The following KDM4C variants were observed in gnomAD, a reference collection of about 807,000 sequenced individuals.
The protein encoded by KDM4C is lysine-specific demethylase 4C.
Under a neutral mutation model 129.3 loss-of-function variants are expected in KDM4C, and 81 were observed. The observed-to-expected ratio is 0.63, with a 90% CI of 0.52 to 0.75. The LOEUF is 0.75. KDM4C is among the 30% of genes least tolerant of loss of function. The probability of loss-of-function intolerance (pLI) is 0.00; values close to 1 mark genes in which losing one functional copy is unlikely to be tolerated. For synonymous variants in KDM4C, 573 were observed against 456.1 expected (o/e 1.26, Z -3.26); for missense variants, 1,457 against 1,304.0 (o/e 1.12, Z -1.81).
intron 14 of KDM4C, chr9:7,014,446 GATAGGA>G (rs1823275854): frequency 6.4e-6 from 1 of 155,602 alleles, no homozygotes; most frequent in Non-Finnish European, 1.4e-5. Flanking sequence ...CATTCGTGAG[GATAGGA>G]ATCTCTATTG....
At chr9:7,052,894 A>AGAGAGAGAGAGAGAGAGCGAGAGAGAGC (rs1339242817) in intron 17 of KDM4C, among the ~76,000 whole-genome samples, 2 of 105,500 alleles carry the variant, frequency 1.9e-5, no homozygotes, top group South Asian at 3.8e-4. Context: ...AGAGAGAGAG[A>AGAGAGAGAGAGAGAGAGCGAGAGAGAGC]GAGAGAGCGA....
At chr9:6,865,384 C>G (rs1392844084) in intron 5 of KDM4C, among the ~76,000 whole-genome samples, 1 of 152,152 alleles carries the variant, frequency 6.6e-6, no homozygotes, top group Non-Finnish European at 1.5e-5. Flanking sequence ...CTTGAAAGTG[C>G]TATCTTGAAT....
chr9:7,070,539 G>A (rs1475672947), intron 17 of KDM4C, among the ~76,000 whole-genome samples: 1 of 152,074 alleles, frequency 6.6e-6, no homozygotes, highest in Non-Finnish European at 1.5e-5. Context: ...TTTATCCTGA[G>A]AACATAAGGC....
chr9:7,055,225 T>C (rs1482874295), intron 17 of KDM4C, among the ~76,000 whole-genome samples: 2 of 152,220 alleles, frequency 1.3e-5, no homozygotes, highest in Non-Finnish European at 1.5e-5. Context: ...GGGTCACAAA[T>C]GCATCCGTCC....
chr9:7,165,072 C>A (rs1046896714), intron 19 of KDM4C, among the ~76,000 whole-genome samples, 166 bp from the exon 20 acceptor site: 1 of 151,998 alleles, frequency 6.6e-6, no homozygotes, highest in Non-Finnish European at 1.5e-5. Context: ...TCTTTAAATA[C>A]TCCTTTGGCT....
At chr9:6,753,426 T>G (rs1387913038), upstream of KDM4C, among the ~76,000 whole-genome samples, 1 of 152,170 alleles carries the variant, frequency 6.6e-6, no homozygotes, top group African/African-American at 2.4e-5. Flanking sequence ...TACCACAGAC[T>G]GGGTAATTTA....
chr9:6,924,641 C>G, intron 8 of KDM4C: 2 of 492,734 alleles, frequency 4.1e-6, no homozygotes, highest in Non-Finnish European at 5.3e-6. Context: ...ATTAGATCTT[C>G]TCTGATTATT....
Position 6,839,396 on chromosome 9 carries a change from G to GTTT in KDM4C, c.436-10092_436-10090dup, listed in dbSNP as rs36061484. Among the ~76,000 whole-genome samples, 76 of 109,896 alleles carry GTTT rather than the reference G, an allele frequency of 6.9e-4. 2 individuals are homozygous for GTTT. Among genetic ancestry groups the GTTT allele is most frequent in the Middle Eastern group, 4.9e-3 (1 of 206 alleles). 72.1% of individuals were successfully genotyped at this position (109,896 alleles called of 152,430 possible). On this transcript the variant is annotated intron_variant, in intron 4 of 21. Transcript: ENST00000381309. ...AGGCGCTTGCCACCACACCTGGCCA[G>GTTT]TTTTTTTTTTTTTTTTTTTTTCTGG...
In KDM4C at chr9:6,879,947, A is replaced by G. The variant is rs1844182211; in HGVS notation, c.630-65A>G. 1.4e-5 allele frequency: 10 copies of G among 715,134 alleles called. No homozygotes were observed. In the East Asian group the frequency reaches 2.7e-4, roughly 19 times the overall value. The allele number at this position is 715,134 out of a possible 1,614,324, so 44.3% of individuals were successfully genotyped here. On this transcript the variant is annotated intron_variant, in intron 5 of 21. Transcript: ENST00000381309. ...TTTATGTGACATTATTTAGGAATAG[A>G]TGTCCTTAGGCTACTAGCTGAAAAA...
chr9:6,877,019 G>T (rs1397655941), intron 5 of KDM4C, among the ~76,000 whole-genome samples: 1 of 152,168 alleles, frequency 6.6e-6, no homozygotes, highest in African/African-American at 2.4e-5. Flanking sequence ...TCATTATAAT[G>T]TACTACCCTG....
At chr9:7,122,347 C>T (rs1432240405) in intron 18 of KDM4C, among the ~76,000 whole-genome samples, 1 of 151,638 alleles carries the variant, frequency 6.6e-6, no homozygotes. Flanking sequence ...GGTGCTAAAC[C>T]ATTAGAAACC....
chr9:6,764,848 T>C (rs1820295613), intron 1 of KDM4C, among the ~76,000 whole-genome samples: 1 of 152,212 alleles, frequency 6.6e-6, no homozygotes, highest in African/African-American at 2.4e-5. Context: ...TTGTTAAGTA[T>C]AACAAATGTA....
upstream of KDM4C, among the ~76,000 whole-genome samples, chr9:6,755,737 G>A (rs35490564): frequency 1.3e-5 from 2 of 151,990 alleles, no homozygotes; most frequent in African/African-American, 2.4e-5. Context: ...TTACTATATG[G>A]CTAAAATGTT....
chr9:7,157,278 A>G (rs1240457243), intron 19 of KDM4C, among the ~76,000 whole-genome samples: 1 of 152,226 alleles, frequency 6.6e-6, no homozygotes, highest in Non-Finnish European at 1.5e-5. Context: ...TTTTCTAAAT[A>G]TACAATTATG....
intron 17 of KDM4C, among the ~76,000 whole-genome samples, chr9:7,087,813 T>C (rs10815512): frequency 0.16 from 24,095 of 152,196 alleles, 2,677 homozygotes; most frequent in East Asian, 0.37. Flanking sequence ...CAATATTTAA[T>C]CCACAAGAAG....
intron 2 of KDM4C, among the ~76,000 whole-genome samples, chr9:6,795,839 G>A (rs996859248): frequency 2.4e-4 from 36 of 150,888 alleles, no homozygotes; most frequent in Non-Finnish European, 3.5e-4. Context: ...GCCTGGCTAA[G>A]TTTTGTATTT....
At chr9:6,857,755 CTTTT>C (rs34529562) in intron 5 of KDM4C, among the ~76,000 whole-genome samples, 7 of 135,538 alleles carry the variant, frequency 5.2e-5, no homozygotes, top group Non-Finnish European at 6.4e-5. Flanking sequence ...GCCAGCTGTA[CTTTT>C]TTTTTTTTTT....
At chr9:6,839,352 T>G (rs1026687361) in intron 4 of KDM4C, among the ~76,000 whole-genome samples, 22 of 150,994 alleles carry the variant, frequency 1.5e-4, no homozygotes, top group African/African-American at 5.4e-4. Context: ...ACGTCAACTT[T>G]CCTAGTAGCT....
At chr9:7,125,572 A>G (rs925015837) in intron 18 of KDM4C, among the ~76,000 whole-genome samples, 3 of 152,264 alleles carry the variant, frequency 2.0e-5, no homozygotes, top group Non-Finnish European at 4.4e-5. Context: ...AAAGATAAGC[A>G]TAACACTCTG....
Sources: gnomAD v4.1 joint callset for allele counts (sites outside exome capture counted in the v4.1 genomes callset) on GRCh38, gnomAD v4.1.1 for gene constraint, MANE v1.5 for transcripts, NCBI Gene and HGNC (gene_info 2026-07-23, HGNC 2026-07-21) for gene names.